MANBA: variants seen among roughly 807,000 people sequenced by gnomAD.
MANBA encodes beta-mannosidase.
A neutral mutation model predicts 111.1 loss-of-function variants in MANBA; 83 were observed. The observed-to-expected ratio is 0.75, with a 90% CI of 0.63 to 0.90. MANBA has a LOEUF of 0.90. MANBA is among the 40% of genes least tolerant of loss of function. The probability of loss-of-function intolerance (pLI) is 0.00; values close to 1 mark genes in which losing one functional copy is unlikely to be tolerated. For synonymous variants in MANBA, 370 were observed against 378.7 expected, an observed-to-expected ratio of 0.98 and a Z score of 0.27; for missense variants, 1,036 against 1,069.0, an observed-to-expected ratio of 0.97 and a Z score of 0.43.
chr4:102,749,895 T>C (rs556713641), intron 1 of MANBA, among the ~76,000 whole-genome samples: 1 of 152,358 alleles, frequency 6.6e-6, no homozygotes, highest in South Asian at 2.1e-4. Context: ...AGGTGGTCCT[T>C]TGATTTTCAG....
chr4:102,751,841 G>T, intron 1 of MANBA: 1 of 504,530 alleles, frequency 2.0e-6, no homozygotes, highest in Non-Finnish European at 3.9e-6. Context: ...ATGTGGCCTG[G>T]GCCAAAAAAA....
intron 13 of MANBA, among the ~76,000 whole-genome samples, chr4:102,649,754 T>G (rs888169967): frequency 6.6e-6 from 1 of 152,152 alleles, no homozygotes; most frequent in East Asian, 1.9e-4. Context: ...TGGAGTATAA[T>G]TTATCAATAC....
At chr4:102,736,807 C>T (rs1276743656) in intron 1 of MANBA, among the ~76,000 whole-genome samples, 1 of 152,170 alleles carries the variant, frequency 6.6e-6, no homozygotes, top group African/African-American at 2.4e-5. Context: ...CAGGAACATA[C>T]CGGGAAAACC....
In MANBA at chr4:102,631,993, C is replaced by T; in HGVS notation, c.*64G>A. Reference sequence around the variant, plus strand: ...CTCTCCTTGTCTCTGTTGCCTTCCTCTCCAGTCGGTGCTTTAGAAATGCTT... The same window carrying T: ...CTCTCCTTGTCTCTGTTGCCTTCCTTTCCAGTCGGTGCTTTAGAAATGCTT... On this transcript the variant is annotated 3_prime_UTR_variant, in exon 17 of 17. Transcript: ENST00000647097. 1 of 1,377,308 alleles carries T rather than the reference C, an allele frequency of 7.3e-7. No individual in the cohort carries two copies. The allele number at this position is 1,377,308 out of a possible 1,614,324, so 85.3% of individuals were successfully genotyped here. A position where few individuals can be genotyped will look rare whatever the true frequency, so the allele number is the denominator to read the frequency against.
chr4:102,714,245 A>G (rs1722226231), intron 5 of MANBA, among the ~76,000 whole-genome samples, 193 bp downstream of exon 5: 1 of 152,140 alleles, frequency 6.6e-6, no homozygotes, highest in Non-Finnish European at 1.5e-5. Context: ...ACCTACCTAC[A>G]TATCTGCTTT....
At chr4:102,744,601 C>G (rs1290085528) in intron 1 of MANBA, among the ~76,000 whole-genome samples, 6 of 152,156 alleles carry the variant, frequency 3.9e-5, no homozygotes, top group African/African-American at 1.4e-4. Flanking sequence ...TACCAGGTAC[C>G]AGGAGATGTG....
chr4:102,699,339 T>C (rs1215606160), intron 5 of MANBA, among the ~76,000 whole-genome samples: 2 of 151,464 alleles, frequency 1.3e-5, no homozygotes, highest in African/African-American at 4.9e-5. Context: ...CCTAATTGAA[T>C]ACCCTTTATT....
At position 102,657,811 on chromosome 4, in the gene MANBA, G is replaced by A; in HGVS notation, c.1575C>T (p.Ser525=). The A allele has an allele frequency of 2.5e-6, 4 of 1,613,524 alleles. No individual in the cohort carries two copies. The highest frequency in any genetic ancestry group is 1.7e-5 in the Admixed American group (1 of 59,996). The part of the protein sequence containing the change: ...AEAWVSQNPN[S]NYFGDVHFYD... ...AAAAATGTACATCACCAAAATAATTGCTATTAGGGTTTTGAGAGACCCAGG... is the reference window on the plus strand; with the variant it reads ...AAAAATGTACATCACCAAAATAATTACTATTAGGGTTTTGAGAGACCCAGG... Residue 525 remains serine, a synonymous_variant, in exon 12 of 17, where the codon AGC becomes AGT. Coordinates refer to ENST00000647097, the MANE Select transcript of MANBA (RefSeq NM_005908.4).
intron 7 of MANBA, among the ~76,000 whole-genome samples, chr4:102,676,355 C>T (rs1178350878): frequency 6.6e-6 from 1 of 152,060 alleles, no homozygotes; most frequent in African/African-American, 2.4e-5. Flanking sequence ...TACATCTTTT[C>T]AAACCAGACA....
intron 1 of MANBA, chr4:102,729,125 T>C (rs1722925942): frequency 2.7e-6 from 2 of 731,644 alleles, no homozygotes; most frequent in Admixed American, 1.7e-5. Context: ...CAGCTTGGCG[T>C]TGGCATCCTT....
chr4:102,701,843 G>A lies in MANBA; in HGVS notation c.674-11072C>T, dbSNP rs1157156381. On this transcript the variant is annotated intron_variant, in intron 5 of 16. Coordinates refer to ENST00000647097, the MANE Select transcript of MANBA (RefSeq NM_005908.4). ...GAATCTGACAATTATGTGTCTTGGA[G>A]TTGCTCTTCTCGAGGAGTATCTTTG... Among the ~76,000 whole-genome samples the A allele has an allele frequency of 3.0e-3, 454 of 151,166 alleles. 2 individuals carry two copies. The highest frequency in any genetic ancestry group is 3.5e-3 in the Non-Finnish European group (239 of 67,504).
intron 1 of MANBA, among the ~76,000 whole-genome samples, chr4:102,749,110 A>G (rs773996792): frequency 6.6e-6 from 1 of 152,198 alleles, no homozygotes; most frequent in African/African-American, 2.4e-5. Flanking sequence ...GTGAGAAAAA[A>G]AAACAAAAAA....
At position 102,631,985 on chromosome 4, in the gene MANBA, G is replaced by A; in HGVS notation, c.*72C>T. 1 of 1,283,502 alleles carries A rather than the reference G, an allele frequency of 7.8e-7. No individual in the cohort carries two copies. The allele number at this position is 1,283,502 out of a possible 1,614,324, so 79.5% of individuals were successfully genotyped here. On this transcript the variant is annotated 3_prime_UTR_variant, in exon 17 of 17. Transcript: ENST00000647097. ...CTCGGCTTCTCTCCTTGTCTCTGTT[G>A]CCTTCCTCTCCAGTCGGTGCTTTAG...
chr4:102,651,497 C>T (rs1730332576), intron 12 of MANBA, among the ~76,000 whole-genome samples: 1 of 152,084 alleles, frequency 6.6e-6, no homozygotes, highest in African/African-American at 2.4e-5. Flanking sequence ...TAATTTAATG[C>T]ACTGTTAGCA....
At chr4:102,736,182 G>A (rs1269596230) in intron 1 of MANBA, among the ~76,000 whole-genome samples, 1 of 152,026 alleles carries the variant, frequency 6.6e-6, no homozygotes, top group Non-Finnish European at 1.5e-5. Context: ...ATGGCTCCAG[G>A]GTCCATATAC....
chr4:102,662,311 G>T (rs1009452293), intron 11 of MANBA, among the ~76,000 whole-genome samples: 5 of 152,080 alleles, frequency 3.3e-5, no homozygotes, highest in African/African-American at 1.2e-4. Flanking sequence ...GGAGGCCGAG[G>T]TGGGTGGAGC....
Position 102,634,814 on chromosome 4 carries a change from C to G in MANBA, c.2389G>C (p.Val797Leu), listed in dbSNP as rs747236675. The change falls in exon 16 of 17, where the codon GTG becomes CTG. Residue 797 changes from valine to leucine, a missense_variant. Val to Leu is a conservative substitution (Grantham distance 32, BLOSUM62 1). Coordinates refer to ENST00000647097, the MANE Select transcript of MANBA (RefSeq NM_005908.4). The stretch of plus-strand genomic sequence containing the variant: ...GTGATCTGCGCCTTGCAGAGCCCCA[C>G]GGCCTCCTTCGGTGAGGACAAGAAG... ...YHFLSSPKEA[V>L]GLCKAQITAI... 2.5e-6 allele frequency: 4 copies of G among 1,614,022 alleles called. No individual in the cohort carries two copies. The South Asian group carries it at 4.4e-5, about 18-fold the overall frequency.
chr4:102,751,162 T>C (rs1395408518), intron 1 of MANBA, among the ~76,000 whole-genome samples: 1 of 152,212 alleles, frequency 6.6e-6, no homozygotes, highest in Non-Finnish European at 1.5e-5. Flanking sequence ...ACATATATTG[T>C]TAGAATGTAC....
intron 1 of MANBA, among the ~76,000 whole-genome samples, chr4:102,746,332 G>C (rs893955774): frequency 2.0e-5 from 3 of 152,170 alleles, no homozygotes; most frequent in Non-Finnish European, 4.4e-5. Flanking sequence ...CACATGATAA[G>C]AGCTTGTGTC....
Sources: gnomAD v4.1 joint callset for allele counts (sites outside exome capture counted in the v4.1 genomes callset) on GRCh38, gnomAD v4.1.1 for gene constraint, MANE v1.5 for transcripts, NCBI Gene and HGNC (gene_info 2026-07-23, HGNC 2026-07-21) for gene names.